Variants in WWOX observed in about 807,000 individuals in gnomAD.
WWOX encodes WW domain-containing oxidoreductase.
A neutral mutation model predicts 46.2 loss-of-function variants in WWOX; 69 were observed. That is an observed-to-expected ratio of 1.49 (90% CI 1.23 to 1.82). The LOEUF (loss-of-function observed/expected upper bound fraction) is 1.82, where lower values mean the gene tolerates loss of function less well. Ranked by LOEUF, WWOX falls within the 40% of genes most tolerant of loss-of-function variation. The pLI, the probability that WWOX is intolerant of heterozygous loss-of-function variation, is 0.00. For missense variants in WWOX, 919 were observed against 542.6 expected (o/e 1.69, Z -6.89); for synonymous variants, 359 against 202.6 (o/e 1.77, Z -6.56).
At chr16:78,475,860 G>A (rs2084337495) in intron 8 of WWOX, among the ~76,000 whole-genome samples, 1 of 152,178 alleles carries the variant, frequency 6.6e-6, no homozygotes, top group African/African-American at 2.4e-5. Context: ...CTCCCAAAAT[G>A]CTGCGATTAC....
At chr16:78,608,343 G>T (rs1471568156) in intron 8 of WWOX, among the ~76,000 whole-genome samples, 1 of 152,144 alleles carries the variant, frequency 6.6e-6, no homozygotes, top group Admixed American at 6.5e-5. Flanking sequence ...TTCTTTCAAA[G>T]CCCTTACCAT....
At chr16:78,483,906 A>T (rs1176872678) in intron 8 of WWOX, among the ~76,000 whole-genome samples, 1 of 152,164 alleles carries the variant, frequency 6.6e-6, no homozygotes, top group Non-Finnish European at 1.5e-5. Flanking sequence ...AGTGGGGCTT[A>T]GGGGGCAGGT....
At chr16:79,143,815 T>C (rs1335944379) in intron 8 of WWOX, among the ~76,000 whole-genome samples, 1 of 152,156 alleles carries the variant, frequency 6.6e-6, no homozygotes, top group Non-Finnish European at 1.5e-5. Context: ...GTAGGAGTTT[T>C]AGCCAATATT....
chr16:78,336,307 T>A, intron 5 of WWOX, among the ~76,000 whole-genome samples: 1 of 127,204 alleles, frequency 7.9e-6, no homozygotes, highest in Non-Finnish European at 1.6e-5. Context: ...ACCCCATCCC[T>A]ACTAAAAATA....
chr16:79,043,619 A>T (rs1248462574), intron 8 of WWOX, among the ~76,000 whole-genome samples: 1 of 152,208 alleles, frequency 6.6e-6, no homozygotes, highest in Non-Finnish European at 1.5e-5. Context: ...ATAACACACA[A>T]ACCCACATTT....
At chr16:78,803,755 A>G (rs1051841880) in intron 8 of WWOX, among the ~76,000 whole-genome samples, 3 of 152,170 alleles carry the variant, frequency 2.0e-5, no homozygotes, top group African/African-American at 7.2e-5. Flanking sequence ...CATCGTGTCC[A>G]GCCTAAATGG....
At chr16:78,967,085 C>T (rs1234581249) in intron 8 of WWOX, among the ~76,000 whole-genome samples, 2 of 152,096 alleles carry the variant, frequency 1.3e-5, no homozygotes, top group South Asian at 4.2e-4. Flanking sequence ...CTAGAACTTT[C>T]CCCATAGTCA....
At chr16:78,462,053 C>T (rs2083963990) in intron 8 of WWOX, among the ~76,000 whole-genome samples, 1 of 152,202 alleles carries the variant, frequency 6.6e-6, no homozygotes, top group African/African-American at 2.4e-5. Context: ...TTTACATATG[C>T]ACATTATGAA....
At chr16:78,879,666 T>G (rs1360022656) in intron 8 of WWOX, among the ~76,000 whole-genome samples, 3 of 152,018 alleles carry the variant, frequency 2.0e-5, no homozygotes, top group Admixed American at 6.6e-5. Flanking sequence ...TCACCTAAGG[T>G]CGGGAGTTCG....
rs753966618 is a variant in WWOX at position 79,009,685 on chromosome 16, A to G, written c.1057-201923A>G. On this transcript the variant is annotated intron_variant, in intron 8 of 8. Transcript: ENST00000566780. ...AGCCTTGTCTTGAACTCCTGACCTCAGGTGATCCACCCACCTCAGCTTCCC... is the reference window on the plus strand; with the variant it reads ...AGCCTTGTCTTGAACTCCTGACCTCGGGTGATCCACCCACCTCAGCTTCCC... Among the ~76,000 whole-genome samples the G allele has an allele frequency of 2.0e-5, 3 of 152,138 alleles. No individual in the cohort carries two copies. The East Asian group carries it at 5.8e-4, about 29-fold the overall frequency.
At chr16:78,809,744 T>G (rs1211880114) in intron 8 of WWOX, among the ~76,000 whole-genome samples, 2 of 152,112 alleles carry the variant, frequency 1.3e-5, no homozygotes, top group Non-Finnish European at 2.9e-5. Flanking sequence ...CATGACAATT[T>G]CTCAAAGCTT....
chr16:78,913,962 A>G (rs566988510), intron 8 of WWOX, among the ~76,000 whole-genome samples: 1 of 152,100 alleles, frequency 6.6e-6, no homozygotes, highest in East Asian at 1.9e-4. Flanking sequence ...CACGTGGCCC[A>G]TACTGCTATT....
chr16:78,920,528 C>G (rs991204567), intron 8 of WWOX, among the ~76,000 whole-genome samples: 1 of 152,134 alleles, frequency 6.6e-6, no homozygotes, highest in Non-Finnish European at 1.5e-5. Flanking sequence ...TTGTCAGTCA[C>G]GTAGAAAGCA....
intron 8 of WWOX, among the ~76,000 whole-genome samples, chr16:79,018,114 G>A (rs1367841429): frequency 2.0e-5 from 3 of 152,160 alleles, no homozygotes; most frequent in Admixed American, 6.5e-5. Flanking sequence ...ATTTCTAATC[G>A]GAGGCAGAGG....
At chr16:78,562,654 C>T (rs564339195) in intron 8 of WWOX, among the ~76,000 whole-genome samples, 99 of 152,330 alleles carry the variant, frequency 6.5e-4, no homozygotes, top group Middle Eastern at 3.4e-3. Context: ...CAGTTGCTCA[C>T]ACTCGGTCAA....
At chr16:79,103,266 T>C (rs901810047) in intron 8 of WWOX, among the ~76,000 whole-genome samples, 1 of 152,220 alleles carries the variant, frequency 6.6e-6, no homozygotes, top group African/African-American at 2.4e-5. Context: ...TGAAGAGGCA[T>C]CTATTAATTT....
chr16:78,112,611 G>GT (rs991683328), intron 3 of WWOX, among the ~76,000 whole-genome samples: 3 of 148,856 alleles, frequency 2.0e-5, no homozygotes, highest in Admixed American at 6.7e-5. Flanking sequence ...ACTTGTGAAA[G>GT]TTTTTTTTCC....
chr16:78,759,701 G>A (rs115359030), intron 8 of WWOX, among the ~76,000 whole-genome samples: 1 of 152,320 alleles, frequency 6.6e-6, no homozygotes, highest in African/African-American at 2.4e-5. Context: ...TATGCTCCCT[G>A]TTGTAGTTTC....
rs769717758 is a variant in WWOX at position 78,164,296 on chromosome 16, G to A, written c.516+7G>A. The A allele has an allele frequency of 9.3e-6, 15 of 1,612,602 alleles. No homozygotes were observed. The highest frequency in any genetic ancestry group is 8.0e-5 in the African/African-American group (6 of 74,862). ...ACGCATTTTAGAAGAATGGGTAAGTGCTTGACTGTTGTTGTTTTTTTTAAT... is the reference window on the plus strand; with the variant it reads ...ACGCATTTTAGAAGAATGGGTAAGTACTTGACTGTTGTTGTTTTTTTTAAT... On this transcript the variant is annotated splice_region_variant and intron_variant, in intron 5 of 8. Coordinates refer to ENST00000566780, the MANE Select transcript of WWOX (RefSeq NM_016373.4).
Sources: allele counts gnomAD v4.1 joint callset (sites outside exome capture counted in the v4.1 genomes callset), GRCh38; gene constraint gnomAD v4.1.1; transcripts MANE v1.5; gene names NCBI Gene and HGNC (gene_info 2026-07-23, HGNC 2026-07-21).